The following LARGE1 variants were observed in gnomAD, a reference collection of about 807,000 sequenced individuals.
LARGE1 encodes xylosyl- and glucuronyltransferase LARGE1.
A neutral mutation model predicts 87.6 loss-of-function variants in LARGE1; 43 were observed. The ratio of observed to expected loss-of-function variants is 0.49; its 90% CI spans 0.38 to 0.63. The LOEUF (loss-of-function observed/expected upper bound fraction) is 0.63, where lower values mean the gene tolerates loss of function less well. Among genes scored for constraint, LARGE1 ranks in the 30% least tolerant of loss-of-function variants. LARGE1 has a pLI of 0.00. For missense variants in LARGE1, 802 were observed against 1,000.2 expected (o/e 0.80, Z 2.67); for synonymous variants, 434 against 394.6 (o/e 1.10, Z -1.18).
chr22:33,890,944 A>G (rs1416538001), intron 1 of LARGE1, among the ~76,000 whole-genome samples: 1 of 152,176 alleles, frequency 6.6e-6, no homozygotes, highest in African/African-American at 2.4e-5. Flanking sequence ...CAAGGCATGC[A>G]ACAGCTCAGA....
intron 6 of LARGE1, among the ~76,000 whole-genome samples, chr22:33,495,409 C>T (rs996444137): frequency 6.6e-6 from 1 of 152,194 alleles, no homozygotes; most frequent in African/African-American, 2.4e-5. Flanking sequence ...CCCTGTAGCA[C>T]TTGCCCAGGA....
At chr22:33,587,455 T>C (rs921450572) in intron 5 of LARGE1, among the ~76,000 whole-genome samples, 12 of 152,316 alleles carry the variant, frequency 7.9e-5, no homozygotes, top group African/African-American at 2.4e-4. Context: ...AAGACTCCTA[T>C]ATAAAATCTT....
chr22:33,203,083 C>CTGTGTG, intron 11 of LARGE1, among the ~76,000 whole-genome samples: 1 of 135,376 alleles, frequency 7.4e-6, no homozygotes, highest in African/African-American at 2.8e-5. Context: ...CTCTCTCTCT[C>CTGTGTG]TCTCTCTCTC....
At chr22:33,237,748 G>C (rs1421894034) in intron 11 of LARGE1, among the ~76,000 whole-genome samples, 1 of 152,172 alleles carries the variant, frequency 6.6e-6, no homozygotes, top group Admixed American at 6.5e-5. Context: ...TTCCATCCTT[G>C]AAGTAGTCTT....
At chr22:33,513,830 C>T (rs2071167889) in intron 6 of LARGE1, among the ~76,000 whole-genome samples, 1 of 151,854 alleles carries the variant, frequency 6.6e-6, no homozygotes, top group African/African-American at 2.4e-5. Flanking sequence ...CACACACACA[C>T]ACACACACAC....
At chr22:33,739,368 T>C (rs567653803) in intron 2 of LARGE1, among the ~76,000 whole-genome samples, 5 of 152,322 alleles carry the variant, frequency 3.3e-5, no homozygotes, top group African/African-American at 1.2e-4. Context: ...CACAGCTAAC[T>C]GCAGAATCAT....
intron 7 of LARGE1, among the ~76,000 whole-genome samples, chr22:33,403,722 G>C (rs1270090083): frequency 6.6e-6 from 1 of 151,994 alleles, no homozygotes; most frequent in Non-Finnish European, 1.5e-5. Context: ...TCCTGCCTCA[G>C]CCTCCCGAGT....
At chr22:33,756,127 G>A (rs2084503944) in intron 2 of LARGE1, among the ~76,000 whole-genome samples, 1 of 152,122 alleles carries the variant, frequency 6.6e-6, no homozygotes, top group African/African-American at 2.4e-5. Context: ...ATAGGTTGGG[G>A]AAAAAACAAT....
Position 33,273,075 on chromosome 22 carries a change from A to C in LARGE1, c.*1352T>G. The stretch of plus-strand genomic sequence containing the variant: ...AGCTTCCTGCAAGAGTGGGAGGGGA[A>C]TGGGGAAGAAACAGTCTGTACTTTC... On this transcript the variant is annotated 3_prime_UTR_variant, in exon 15 of 15. Transcript: ENST00000397394. 4.7e-6 allele frequency: 1 copy of C among 213,034 alleles called. No homozygotes were observed. The highest frequency in any genetic ancestry group is 2.3e-5 in the African/African-American group (1 of 43,846). 13.2% of individuals were successfully genotyped at this position (213,034 alleles called of 1,614,324 possible).
intron 2 of LARGE1, among the ~76,000 whole-genome samples, chr22:33,707,865 C>A (rs1324748426): frequency 3.3e-5 from 5 of 152,148 alleles, no homozygotes; most frequent in African/African-American, 1.2e-4. Flanking sequence ...CAATATCAAG[C>A]ACATCTGAGA....
intron 7 of LARGE1, among the ~76,000 whole-genome samples, chr22:33,385,879 C>T (rs556253033): frequency 1.7e-4 from 25 of 148,748 alleles, no homozygotes; most frequent in African/African-American, 6.1e-4. Flanking sequence ...AAACCTAGCA[C>T]CTGCATTTCC....
At chr22:33,664,163 G>T (rs920734119) in intron 2 of LARGE1, among the ~76,000 whole-genome samples, 1 of 152,206 alleles carries the variant, frequency 6.6e-6, no homozygotes, top group African/African-American at 2.4e-5. Context: ...CTGGCACAAC[G>T]TGTATACACC....
chr22:33,617,633 G>A (rs999979980), intron 4 of LARGE1, among the ~76,000 whole-genome samples: 6 of 152,172 alleles, frequency 3.9e-5, no homozygotes, highest in Admixed American at 6.5e-5. Flanking sequence ...TGCCTGGCCA[G>A]GCCAGCTTGG....
the LARGE1 span, among the ~76,000 whole-genome samples, chr22:33,135,948 T>C: frequency 7.9e-5 from 12 of 152,200 alleles, no homozygotes; most frequent in African/African-American, 2.9e-4. Context: ...CCTGACACTG[T>C]GGTAAGTACT....
At chr22:33,622,959 C>T (rs1273974149) in intron 4 of LARGE1, among the ~76,000 whole-genome samples, 6 of 152,094 alleles carry the variant, frequency 3.9e-5, no homozygotes, top group African/African-American at 1.4e-4. Flanking sequence ...AAGTTTACAC[C>T]CAACAGGATT....
intron 11 of LARGE1, among the ~76,000 whole-genome samples, chr22:33,177,389 A>G (rs1156953509): frequency 2.0e-5 from 3 of 152,202 alleles, no homozygotes; most frequent in Non-Finnish European, 4.4e-5. Context: ...TATTAGAGAG[A>G]ACATTTATTC....
chr22:33,144,109 T>C, the LARGE1 span, among the ~76,000 whole-genome samples: 1 of 152,204 alleles, frequency 6.6e-6, no homozygotes, highest in African/African-American at 2.4e-5. Context: ...ATACTGTTTA[T>C]TATCTTTCAA....
chr22:33,486,820 G>C (rs1223237876), intron 6 of LARGE1, among the ~76,000 whole-genome samples: 2 of 152,092 alleles, frequency 1.3e-5, no homozygotes, highest in African/African-American at 4.8e-5. Context: ...AGTGTCTCCG[G>C]CTCTCATCCC....
intron 1 of LARGE1, among the ~76,000 whole-genome samples, chr22:33,896,159 G>C (rs1177004476): frequency 6.6e-6 from 1 of 152,110 alleles, no homozygotes; most frequent in Non-Finnish European, 1.5e-5. Flanking sequence ...ACTACTGTAG[G>C]GACTTTACAT....
Sources: gnomAD v4.1 joint callset for allele counts (sites outside exome capture counted in the v4.1 genomes callset) on GRCh38, gnomAD v4.1.1 for gene constraint, MANE v1.5 for transcripts, NCBI Gene and HGNC (gene_info 2026-07-23, HGNC 2026-07-21) for gene names.